The following ERC2 variants were observed in gnomAD, a reference collection of about 807,000 sequenced individuals.
The protein encoded by ERC2 is ELKS/RAB6-interacting/CAST family member 2, also known as ERC protein 2.
In ERC2, 42 loss-of-function variants were observed where a neutral mutation model predicts 114.8. That is an observed-to-expected ratio of 0.37 (90% CI 0.29 to 0.47). The LOEUF (loss-of-function observed/expected upper bound fraction) is 0.47. Among genes scored for constraint, ERC2 ranks in the 20% least tolerant of loss-of-function variants. ERC2 has a pLI of 0.99. For synonymous variants in ERC2, 454 were observed against 425.5 expected (o/e 1.07, Z -0.82); for missense variants, 939 against 1,150.7 (o/e 0.82, Z 2.66).
intron 2 of ERC2, among the ~76,000 whole-genome samples, chr3:56,341,644 C>T (rs1038428891): frequency 1.3e-5 from 2 of 152,076 alleles, no homozygotes; most frequent in East Asian, 1.9e-4. Flanking sequence ...CTGAGACCCC[C>T]AAGCTCTCTA....
chr3:55,902,964 A>C (rs2064223912), intron 13 of ERC2, among the ~76,000 whole-genome samples: 1 of 152,264 alleles, frequency 6.6e-6, no homozygotes, highest in Non-Finnish European at 1.5e-5. Context: ...GCTTAAAATC[A>C]GCAACTTTTG....
At chr3:55,983,722 T>A (rs2070347489) in intron 12 of ERC2, among the ~76,000 whole-genome samples, 1 of 152,110 alleles carries the variant, frequency 6.6e-6, no homozygotes, top group Non-Finnish European at 1.5e-5. Context: ...CCATAAACTA[T>A]GGTAAGAAAG....
intron 7 of ERC2, among the ~76,000 whole-genome samples, chr3:56,076,424 C>T (rs1309419138): frequency 6.6e-6 from 1 of 151,948 alleles, no homozygotes; most frequent in Non-Finnish European, 1.5e-5. Context: ...ACAATGTCAT[C>T]AGGTTTTATG....
chr3:56,247,996 T>A (rs2051837804), intron 3 of ERC2, among the ~76,000 whole-genome samples: 9 of 152,222 alleles, frequency 5.9e-5, no homozygotes, highest in Admixed American at 5.9e-4. Context: ...GACTTTTGAG[T>A]TAAGTCTTGG....
At chr3:56,058,945 C>T (rs1344966783) in intron 7 of ERC2, among the ~76,000 whole-genome samples, 1 of 152,130 alleles carries the variant, frequency 6.6e-6, no homozygotes, top group Non-Finnish European at 1.5e-5. Flanking sequence ...TCCTTCTCTA[C>T]CACAGAAACT....
chr3:56,046,958 G>C (rs141435285), intron 7 of ERC2, among the ~76,000 whole-genome samples: 1 of 152,134 alleles, frequency 6.6e-6, no homozygotes, highest in East Asian at 1.9e-4. Flanking sequence ...GATTCATTCC[G>C]CTAGTGGAAA....
intron 13 of ERC2, among the ~76,000 whole-genome samples, chr3:55,910,068 C>G (rs1025943820): frequency 6.6e-6 from 1 of 151,928 alleles, no homozygotes; most frequent in Non-Finnish European, 1.5e-5. Flanking sequence ...AATGACTAGT[C>G]TATAAGATAA....
chr3:55,742,606 T>C (rs1337960760), intron 14 of ERC2, among the ~76,000 whole-genome samples: 2 of 152,312 alleles, frequency 1.3e-5, no homozygotes, highest in Non-Finnish European at 2.9e-5. Context: ...CTAATCATAT[T>C]GTGGGGGGAA....
At chr3:55,743,505 AG>A (rs937473229) in intron 14 of ERC2, among the ~76,000 whole-genome samples, 1 of 149,184 alleles carries the variant, frequency 6.7e-6, no homozygotes, top group Non-Finnish European at 1.5e-5. Flanking sequence ...ATTGATAAAA[AG>A]GCAATGAAGG....
At chr3:56,142,773 T>G (rs2080932365) in intron 5 of ERC2, among the ~76,000 whole-genome samples, 1 of 152,126 alleles carries the variant, frequency 6.6e-6, no homozygotes, top group Non-Finnish European at 1.5e-5. Flanking sequence ...TGGCTGTCAT[T>G]TATGGTGGCC....
chr3:56,269,476 G>A (rs1377608955), intron 3 of ERC2, among the ~76,000 whole-genome samples: 1 of 152,098 alleles, frequency 6.6e-6, no homozygotes, highest in East Asian at 1.9e-4. Context: ...CTAACTCCCA[G>A]CCTAAAGAAA....
At chr3:56,433,633 T>C (rs1193048653) in intron 2 of ERC2, among the ~76,000 whole-genome samples, 1 of 152,194 alleles carries the variant, frequency 6.6e-6, no homozygotes, top group Non-Finnish European at 1.5e-5. Flanking sequence ...CAATGAGTAA[T>C]CACTGAGGGC....
chr3:56,385,489 C>G (rs1219071957), intron 2 of ERC2, among the ~76,000 whole-genome samples: 2 of 152,144 alleles, frequency 1.3e-5, no homozygotes, highest in African/African-American at 4.8e-5. Context: ...TTTCCCCAAC[C>G]AACACATGGA....
intron 13 of ERC2, among the ~76,000 whole-genome samples, chr3:55,903,969 T>C (rs552867184): frequency 6.6e-6 from 1 of 152,364 alleles, no homozygotes; most frequent in East Asian, 1.9e-4. Flanking sequence ...AGGAAGGGAC[T>C]TGCCAAGAGC....
intron 13 of ERC2, among the ~76,000 whole-genome samples, chr3:55,901,192 GT>G (rs1272859430): frequency 6.6e-6 from 1 of 152,170 alleles, no homozygotes; most frequent in Non-Finnish European, 1.5e-5. Context: ...GTCATTATCT[GT>G]TTTGATCCCA....
chr3:56,159,621 C>G (rs990170408), intron 4 of ERC2, among the ~76,000 whole-genome samples: 3 of 152,140 alleles, frequency 2.0e-5, no homozygotes, highest in African/African-American at 7.2e-5. Context: ...AGGCATTAAG[C>G]ATAGTACTCA....
chr3:55,949,326 C>T (rs1002529210), intron 13 of ERC2, among the ~76,000 whole-genome samples: 2 of 152,000 alleles, frequency 1.3e-5, no homozygotes, highest in Non-Finnish European at 2.9e-5. Context: ...CCCAAGATCG[C>T]GCCACTGCTC....
At chr3:55,833,256 G>A (rs1224291762) in intron 14 of ERC2, among the ~76,000 whole-genome samples, 1 of 150,094 alleles carries the variant, frequency 6.7e-6, no homozygotes, top group Non-Finnish European at 1.5e-5. Flanking sequence ...GAAATACAGA[G>A]AACACCACAA....
intron 1 of ERC2, among the ~76,000 whole-genome samples, 168 bp downstream of exon 1, chr3:56,468,080 C>G (rs960836456): frequency 6.9e-6 from 1 of 145,626 alleles, no homozygotes; most frequent in Admixed American, 7.2e-5. Context: ...TCCCTCCCCC[C>G]GCCCAAGAAA....
Sources: allele counts gnomAD v4.1 joint callset (sites outside exome capture counted in the v4.1 genomes callset), GRCh38; gene constraint gnomAD v4.1.1; transcripts MANE v1.5; gene names NCBI Gene and HGNC (gene_info 2026-07-23, HGNC 2026-07-21).